The following SORBS2 variants were observed in gnomAD, a reference collection of about 807,000 sequenced individuals.
The protein encoded by SORBS2 is sorbin and SH3 domain containing 2, also known as sorbin and SH3 domain-containing protein 2.
SORBS2 carries 46 observed loss-of-function variants against 97.7 expected under a neutral mutation model. The observed-to-expected ratio is 0.47, with a 90% CI of 0.37 to 0.60. The LOEUF is 0.60. Ranked by LOEUF, SORBS2 falls within the 20% of genes least tolerant of loss-of-function variation. SORBS2 has a pLI of 0.00. For synonymous variants in SORBS2, 476 were observed against 473.4 expected, an observed-to-expected ratio of 1.01 and a Z score of -0.07; for missense variants, 1,316 against 1,282.3, an observed-to-expected ratio of 1.03 and a Z score of -0.40.
chr4:185,649,006 G>A (rs780508594), intron 3 of SORBS2, among the ~76,000 whole-genome samples: 3 of 152,156 alleles, frequency 2.0e-5, no homozygotes, highest in Non-Finnish European at 2.9e-5. Flanking sequence ...AGGAAAACTC[G>A]TATTAGCTTG....
At chr4:185,680,841 G>A (rs1269754989) in intron 2 of SORBS2, among the ~76,000 whole-genome samples, 3 of 152,028 alleles carry the variant, frequency 2.0e-5, no homozygotes, top group Admixed American at 1.3e-4. Flanking sequence ...GTTTCTTCAC[G>A]CTGGTCACCG....
intron 1 of SORBS2, among the ~76,000 whole-genome samples, chr4:185,816,466 C>A: frequency 6.6e-6 from 1 of 152,128 alleles, no homozygotes; most frequent in South Asian, 2.1e-4. Context: ...CAAAACCTTG[C>A]ATATTTAGTT....
At chr4:185,823,497 G>A (rs200543873) in intron 1 of SORBS2, among the ~76,000 whole-genome samples, 1 of 91,714 alleles carries the variant, frequency 1.1e-5, no homozygotes, top group African/African-American at 4.5e-5. Context: ...ATTTTCTTTT[G>A]TTTATTTGTA....
At chr4:185,925,433 A>C (rs551595436) in intron 1 of SORBS2, among the ~76,000 whole-genome samples, 2 of 152,314 alleles carry the variant, frequency 1.3e-5, no homozygotes, top group South Asian at 4.1e-4. Flanking sequence ...TTTAAGGATG[A>C]AAGTACTCAA....
chr4:185,698,735 C>T (rs1469146878), intron 2 of SORBS2, among the ~76,000 whole-genome samples: 1 of 152,082 alleles, frequency 6.6e-6, no homozygotes, highest in Non-Finnish European at 1.5e-5. Flanking sequence ...AATAGGAAAA[C>T]AGTGGTTGAT....
intron 2 of SORBS2, among the ~76,000 whole-genome samples, chr4:185,724,201 TATTGGC>T (rs1021509504): frequency 6.6e-6 from 1 of 152,080 alleles, no homozygotes; most frequent in Non-Finnish European, 1.5e-5. Context: ...TTTCTTTCAG[TATTGGC>T]TTTTTTTTGA....
intron 2 of SORBS2, among the ~76,000 whole-genome samples, chr4:185,702,807 G>A (rs1393699918): frequency 2.0e-5 from 3 of 151,952 alleles, no homozygotes; most frequent in Admixed American, 6.6e-5. Flanking sequence ...AGCACATAAG[G>A]GACTTTTATG....
At chr4:185,754,339 A>G (rs927413234) in intron 2 of SORBS2, among the ~76,000 whole-genome samples, 1 of 152,142 alleles carries the variant, frequency 6.6e-6, no homozygotes, top group Non-Finnish European at 1.5e-5. Context: ...AAAACTACCT[A>G]TCAAGTACTA....
intron 2 of SORBS2, among the ~76,000 whole-genome samples, chr4:185,743,917 A>C (rs187888148): frequency 2.8e-4 from 26 of 93,672 alleles, no homozygotes; most frequent in African/African-American, 5.7e-4. Flanking sequence ...TCCTTCTTCT[A>C]TTTTCTTTCC....
chr4:185,792,409 G>T (rs916778617), intron 1 of SORBS2, among the ~76,000 whole-genome samples: 29 of 152,180 alleles, frequency 1.9e-4, no homozygotes, highest in African/African-American at 6.5e-4. Flanking sequence ...CAGGAGAATT[G>T]CTTGAACCCA....
intron 4 of SORBS2, among the ~76,000 whole-genome samples, chr4:185,631,000 T>C (rs1213366833): frequency 6.6e-6 from 1 of 152,240 alleles, no homozygotes; most frequent in African/African-American, 2.4e-5. Context: ...TTAAAAAATT[T>C]GTAGTCATCA....
intron 2 of SORBS2, among the ~76,000 whole-genome samples, chr4:185,763,540 T>C (rs544906276): frequency 1.3e-5 from 2 of 152,364 alleles, no homozygotes; most frequent in South Asian, 4.1e-4. Context: ...CTGAAGGTTT[T>C]CATGCCACAT....
At chr4:185,656,697 C>A in exon 1 of SORBS2, 2 of 1,549,146 alleles carry the variant, frequency 1.3e-6, no homozygotes, top group South Asian at 2.4e-5. Context: ...TGGACTTGGT[C>A]AGCCAGCTGC....
intron 2 of SORBS2, among the ~76,000 whole-genome samples, chr4:185,693,568 T>A (rs1181766428): frequency 6.6e-6 from 1 of 152,174 alleles, no homozygotes; most frequent in Non-Finnish European, 1.5e-5. Context: ...AAAATGAGGA[T>A]TATGAGGACC....
At chr4:185,796,959 T>G (rs1362334439) in intron 1 of SORBS2, among the ~76,000 whole-genome samples, 6 of 134,482 alleles carry the variant, frequency 4.5e-5, no homozygotes, top group South Asian at 2.4e-4. Context: ...ATGCCTGGGC[T>G]CTGTGGCCAC....
chr4:185,945,360 A>G (rs563092521), intron 1 of SORBS2, among the ~76,000 whole-genome samples: 2 of 152,378 alleles, frequency 1.3e-5, no homozygotes, highest in South Asian at 4.1e-4. Context: ...AATAAAAGGT[A>G]TAACATATGA....
intron 1 of SORBS2, among the ~76,000 whole-genome samples, chr4:185,913,443 G>C (rs1456513735): frequency 6.6e-6 from 1 of 152,162 alleles, no homozygotes; most frequent in Admixed American, 6.5e-5. Flanking sequence ...TTTACCAAAG[G>C]ATTCGCTGAG....
intron 1 of SORBS2, among the ~76,000 whole-genome samples, chr4:185,789,619 CATA>C (rs1322556034): frequency 1.3e-5 from 2 of 151,256 alleles, no homozygotes; most frequent in African/African-American, 4.8e-5. Flanking sequence ...CAAATAAAGT[CATA>C]ATTTCATTCT....
intron 2 of SORBS2, among the ~76,000 whole-genome samples, chr4:185,680,181 T>G (rs1317092987): frequency 6.6e-6 from 1 of 152,180 alleles, no homozygotes; most frequent in Non-Finnish European, 1.5e-5. Flanking sequence ...TTGATTTTTA[T>G]TTTATTTTTT....
Sources: gnomAD v4.1 joint callset for allele counts (sites outside exome capture counted in the v4.1 genomes callset) on GRCh38, gnomAD v4.1.1 for gene constraint, MANE v1.5 for transcripts, NCBI Gene and HGNC (gene_info 2026-07-23, HGNC 2026-07-21) for gene names.